The following LRBA variants were observed in gnomAD, a reference collection of about 807,000 sequenced individuals.
LRBA encodes the protein lipopolysaccharide-responsive and beige-like anchor protein.
Under a neutral mutation model 330.0 loss-of-function variants are expected in LRBA, and 176 were observed. That is an observed-to-expected ratio of 0.53 (90% CI 0.47 to 0.60). The LOEUF is 0.60. Among genes scored for constraint, LRBA ranks in the 20% least tolerant of loss-of-function variants. The pLI is 0.00. For synonymous variants in LRBA, 1,230 were observed against 1,193.0 expected (o/e 1.03, Z -0.64); for missense variants, 3,259 against 3,444.8 (o/e 0.95, Z 1.35).
intron 37 of LRBA, among the ~76,000 whole-genome samples, chr4:150,646,991 G>C (rs1270573695): frequency 6.6e-6 from 1 of 152,052 alleles, no homozygotes; most frequent in African/African-American, 2.4e-5. Context: ...ATAAAGCATA[G>C]ACAGTAGTGA....
At chr4:150,880,985 G>A (rs1273218239) in intron 17 of LRBA, among the ~76,000 whole-genome samples, 2 of 152,080 alleles carry the variant, frequency 1.3e-5, no homozygotes, top group African/African-American at 4.8e-5. Flanking sequence ...TCAAAATAAT[G>A]AGATACCATC....
intron 34 of LRBA, among the ~76,000 whole-genome samples, chr4:150,768,175 CATTAAGAA>C (rs1736045697): frequency 6.7e-6 from 1 of 148,868 alleles, no homozygotes; most frequent in East Asian, 2.0e-4. Flanking sequence ...ACATGAGATA[CATTAAGAA>C]ATTTATTTTA....
At chr4:150,371,738 T>C (rs1482949695) in intron 47 of LRBA, among the ~76,000 whole-genome samples, 1 of 151,936 alleles carries the variant, frequency 6.6e-6, no homozygotes, top group Non-Finnish European at 1.5e-5. Context: ...TGCTATTTTC[T>C]ATATTTGTTA....
chr4:150,657,709 C>T (rs534221797), intron 37 of LRBA, among the ~76,000 whole-genome samples: 6 of 151,956 alleles, frequency 3.9e-5, no homozygotes, highest in East Asian at 1.9e-4. Context: ...TTTAATGTTT[C>T]GTTTCCCAAA....
chr4:150,853,115 A>G (rs1037412927), intron 22 of LRBA, among the ~76,000 whole-genome samples, 172 bp from the exon 23 acceptor site: 2 of 152,216 alleles, frequency 1.3e-5, no homozygotes, highest in Non-Finnish European at 2.9e-5. Context: ...AGAAATCTAA[A>G]TATTCATTAA....
intron 42 of LRBA, among the ~76,000 whole-genome samples, chr4:150,484,442 A>T (rs1356630691): frequency 1.3e-5 from 2 of 151,818 alleles, no homozygotes; most frequent in Non-Finnish European, 2.9e-5. Context: ...TAGTAGCATA[A>T]ATTTGTTCAT....
intron 2 of LRBA, among the ~76,000 whole-genome samples, chr4:150,941,096 T>TA (rs1735623338): frequency 6.6e-6 from 1 of 152,116 alleles, no homozygotes; most frequent in Non-Finnish European, 1.5e-5. Flanking sequence ...TGTGCCTCTC[T>TA]AGGTTGAATT....
chr4:150,374,530 G>A (rs1159653226), intron 47 of LRBA, among the ~76,000 whole-genome samples: 4 of 152,160 alleles, frequency 2.6e-5, no homozygotes, highest in African/African-American at 4.8e-5. Flanking sequence ...AGAAAAACGA[G>A]AAGATATAAA....
At chr4:150,809,545 C>T (rs1411140195) in intron 31 of LRBA, among the ~76,000 whole-genome samples, 1 of 152,098 alleles carries the variant, frequency 6.6e-6, no homozygotes. Flanking sequence ...AGTGAAACTC[C>T]GTCTCAAAAA....
At chr4:150,882,410 G>T (rs773171496) in intron 17 of LRBA, among the ~76,000 whole-genome samples, 15 of 152,074 alleles carry the variant, frequency 9.9e-5, no homozygotes, top group Non-Finnish European at 1.5e-5. Context: ...GAAAAATCCT[G>T]TAGTGCTTCA....
chr4:150,618,554 T>C (rs1775990870), intron 37 of LRBA, among the ~76,000 whole-genome samples: 2 of 152,236 alleles, frequency 1.3e-5, no homozygotes, highest in Admixed American at 1.3e-4. Flanking sequence ...TTTTTTATTT[T>C]TTAAAGTTAA....
chr4:150,695,410 T>A (rs372409539), intron 36 of LRBA, among the ~76,000 whole-genome samples: 4 of 152,030 alleles, frequency 2.6e-5, no homozygotes, highest in Non-Finnish European at 4.4e-5. Flanking sequence ...GCAGCCTCCA[T>A]CTCCCAGGTT....
At chr4:150,491,077 G>GT (rs745651410) in intron 40 of LRBA, 42 bp from the exon 41 acceptor site, 10 of 915,050 alleles carry the variant, frequency 1.1e-5, no homozygotes, top group African/African-American at 5.0e-5. Context: ...AACAATACTT[G>GT]TTTTTTGTTG....
chr4:150,581,546 A>T (rs1477512272), intron 40 of LRBA: 9 of 116,640 alleles, frequency 7.7e-5, no homozygotes, highest in South Asian at 1.7e-4. Flanking sequence ...AGAATCATTT[A>T]AAAAAAAAAA....
rs577503648 is a variant in LRBA, at chr4:150,652,496, T to G, written c.5921+31055A>C. Among the ~76,000 whole-genome samples, 645 of 152,316 alleles carry G rather than the reference T, an allele frequency of 4.2e-3. 9 individuals are homozygous for G. The highest frequency in any genetic ancestry group is 2.9e-3 in the Non-Finnish European group (198 of 68,030). ...TTCCTTTTGTTTCCCATAAACTGGT[T>G]ATTAGATTTAAAACAGCAATTTCTA... On this transcript the variant is annotated intron_variant, in intron 37 of 56. Transcript: ENST00000651943.
chr4:150,920,259 T>C (rs886880875), intron 5 of LRBA, among the ~76,000 whole-genome samples: 1 of 152,120 alleles, frequency 6.6e-6, no homozygotes, highest in Non-Finnish European at 1.5e-5. Flanking sequence ...TTTTAAAAGT[T>C]TGTCTTGGGC....
chr4:150,507,156 G>C (rs76197969), intron 40 of LRBA, among the ~76,000 whole-genome samples: 31,283 of 150,192 alleles, frequency 0.21, 3,858 homozygotes, highest in Non-Finnish European at 0.3. Flanking sequence ...TACTGCCCAA[G>C]GTAATTTATA....
intron 13 of LRBA, among the ~76,000 whole-genome samples, chr4:150,905,020 A>G (rs1045644521): frequency 6.6e-6 from 1 of 152,196 alleles, no homozygotes; most frequent in Non-Finnish European, 1.5e-5. Flanking sequence ...GATAAGACGG[A>G]TACAATTATG....
At chr4:150,418,170 A>G (rs1284111987) in intron 46 of LRBA, among the ~76,000 whole-genome samples, 3 of 151,790 alleles carry the variant, frequency 2.0e-5, no homozygotes, top group Non-Finnish European at 4.4e-5. Context: ...GGAATACACT[A>G]CCATGCCTGG....
Sources: gnomAD v4.1 joint callset for allele counts (sites outside exome capture counted in the v4.1 genomes callset) on GRCh38, gnomAD v4.1.1 for gene constraint, MANE v1.5 for transcripts, NCBI Gene and HGNC (gene_info 2026-07-23, HGNC 2026-07-21) for gene names.